SORCS3: variants seen among roughly 807,000 people sequenced by gnomAD.
SORCS3 encodes the protein sortilin related VPS10 domain containing receptor 3, also known as VPS10 domain-containing receptor SorCS3.
SORCS3 carries 57 observed loss-of-function variants against 146.3 expected under a neutral mutation model. That is an observed-to-expected ratio of 0.39 (90% CI 0.31 to 0.49). SORCS3 has a LOEUF of 0.49. SORCS3 is among the 20% of genes least tolerant of loss of function. The pLI, the probability that SORCS3 is intolerant of heterozygous loss-of-function variation, is 0.92. For missense variants in SORCS3, 1,341 were observed against 1,575.5 expected (o/e 0.85, Z 2.52); for synonymous variants, 653 against 618.5 (o/e 1.06, Z -0.83).
intron 2 of SORCS3, among the ~76,000 whole-genome samples, chr10:104,897,614 C>T (rs2018811358): frequency 1.3e-5 from 2 of 152,206 alleles, no homozygotes; most frequent in Admixed American, 6.5e-5. Context: ...CCCCTGCATC[C>T]AACCCTGACT....
chr10:104,666,942 A>T (rs1316924468), intron 1 of SORCS3, among the ~76,000 whole-genome samples: 3 of 152,078 alleles, frequency 2.0e-5, no homozygotes, highest in Non-Finnish European at 4.4e-5. Context: ...GCAGAGCTGA[A>T]AATTATTAGG....
chr10:105,238,668 C>A (rs1305396139), intron 20 of SORCS3, among the ~76,000 whole-genome samples: 1 of 152,120 alleles, frequency 6.6e-6, no homozygotes, highest in Non-Finnish European at 1.5e-5. Flanking sequence ...CACAAAAATT[C>A]TGATTTAGGG....
At chr10:104,653,102 A>G (rs2015583477) in intron 1 of SORCS3, among the ~76,000 whole-genome samples, 1 of 152,230 alleles carries the variant, frequency 6.6e-6, no homozygotes, top group Non-Finnish European at 1.5e-5. Context: ...AATAGATGCT[A>G]TCACCAAACC....
chr10:104,687,177 A>G (rs983484809), intron 1 of SORCS3, among the ~76,000 whole-genome samples: 33 of 152,138 alleles, frequency 2.2e-4, no homozygotes, highest in African/African-American at 7.7e-4. Flanking sequence ...CCTGCCTTAC[A>G]TCCCCTGTCC....
chr10:105,104,389 G>A (rs774843470), intron 6 of SORCS3, among the ~76,000 whole-genome samples: 7 of 152,064 alleles, frequency 4.6e-5, no homozygotes, highest in South Asian at 2.1e-4. Flanking sequence ...CAAAAAAACC[G>A]AATGGATTCC....
chr10:105,233,863 T>C (rs1243584095), intron 20 of SORCS3, among the ~76,000 whole-genome samples: 1 of 152,252 alleles, frequency 6.6e-6, no homozygotes, highest in African/African-American at 2.4e-5. Flanking sequence ...AGTGCCACAA[T>C]AAACATACAT....
intron 2 of SORCS3, among the ~76,000 whole-genome samples, chr10:104,905,914 G>A (rs781506193): frequency 1.3e-5 from 2 of 152,172 alleles, no homozygotes; most frequent in African/African-American, 2.4e-5. Flanking sequence ...TGCCTTCCAT[G>A]TGCAAGGCAT....
At chr10:104,682,503 G>T (rs1167335344) in intron 1 of SORCS3, among the ~76,000 whole-genome samples, 1 of 152,216 alleles carries the variant, frequency 6.6e-6, no homozygotes, top group Non-Finnish European at 1.5e-5. Context: ...TCCTCAGCAG[G>T]TTAGCTTTTA....
chr10:104,781,783 A>T (rs966079493), intron 1 of SORCS3, among the ~76,000 whole-genome samples: 12 of 152,256 alleles, frequency 7.9e-5, no homozygotes, highest in African/African-American at 2.9e-4. Context: ...GCTGCTGCTC[A>T]TCAGGCCTGA....
rs561406075 is a variant in SORCS3, at chr10:105,171,070, G to A, written c.1901+3721G>A. 4.6e-5 allele frequency among the ~76,000 whole-genome samples: 7 copies of A among 152,248 alleles called. No individual in the cohort carries two copies. In the South Asian group the frequency reaches 8.3e-4, roughly 18 times the overall value. On this transcript the variant is annotated intron_variant, in intron 13 of 26. Coordinates refer to ENST00000369701, the MANE Select transcript of SORCS3 (RefSeq NM_014978.3). ...TATATTAATATTTGAATAGGAAAAA[G>A]ACACCAGATTACCCACTGGGATGTA... is the stretch of plus-strand genomic sequence containing the variant.
At chr10:105,119,578 G>T (rs2055917026) in intron 7 of SORCS3, among the ~76,000 whole-genome samples, 1 of 152,186 alleles carries the variant, frequency 6.6e-6, no homozygotes, top group Admixed American at 6.5e-5. Flanking sequence ...GCCATACCCT[G>T]CAAAGCCACA....
intron 3 of SORCS3, among the ~76,000 whole-genome samples, chr10:104,954,725 A>G (rs944675732): frequency 2.0e-5 from 3 of 152,158 alleles, no homozygotes; most frequent in Non-Finnish European, 1.5e-5. Context: ...GTAGCTGGCT[A>G]TGGGGTCAGT....
At chr10:104,726,570 C>A (rs1048794701) in intron 1 of SORCS3, among the ~76,000 whole-genome samples, 1 of 151,908 alleles carries the variant, frequency 6.6e-6, no homozygotes, top group Non-Finnish European at 1.5e-5. Context: ...GCCATCCCAC[C>A]ATATGACGAC....
intron 7 of SORCS3, among the ~76,000 whole-genome samples, chr10:105,117,605 C>A (rs1286213417): frequency 2.0e-5 from 3 of 152,128 alleles, no homozygotes; most frequent in Non-Finnish European, 4.4e-5. Flanking sequence ...CCTGACATAA[C>A]AAAACAAAGT....
intron 16 of SORCS3, among the ~76,000 whole-genome samples, chr10:105,209,984 G>A (rs12247132): frequency 0.066 from 10,008 of 152,122 alleles, 410 homozygotes; most frequent in Middle Eastern, 0.16. Context: ...TTGAGGACAC[G>A]GATTATCACA....
At chr10:105,082,178 C>A (rs367567266) in intron 5 of SORCS3, among the ~76,000 whole-genome samples, 1 of 152,140 alleles carries the variant, frequency 6.6e-6, no homozygotes, top group Non-Finnish European at 1.5e-5. Context: ...GGGGAGGAGA[C>A]CAGATTGTTA....
At chr10:105,002,867 T>C (rs1055804216) in intron 4 of SORCS3, among the ~76,000 whole-genome samples, 18 of 152,192 alleles carry the variant, frequency 1.2e-4, no homozygotes, top group African/African-American at 3.9e-4. Context: ...GGGAGCACAA[T>C]TGGAACAGCA....
chr10:105,238,422 T>C (rs984104539), intron 20 of SORCS3, among the ~76,000 whole-genome samples: 3 of 152,146 alleles, frequency 2.0e-5, no homozygotes, highest in Admixed American at 6.5e-5. Flanking sequence ...TTGTTGATCA[T>C]GGAGTGAGTG....
intron 3 of SORCS3, among the ~76,000 whole-genome samples, chr10:104,941,853 A>T (rs2019323594): frequency 6.6e-6 from 1 of 152,174 alleles, no homozygotes; most frequent in Non-Finnish European, 1.5e-5. Flanking sequence ...TAGGGGAAAG[A>T]GTCCAGGCCT....
Sources: gnomAD v4.1 joint callset for allele counts (sites outside exome capture counted in the v4.1 genomes callset) on GRCh38, gnomAD v4.1.1 for gene constraint, MANE v1.5 for transcripts, NCBI Gene and HGNC (gene_info 2026-07-23, HGNC 2026-07-21) for gene names.